The following CA10 variants were observed in gnomAD, a reference collection of about 807,000 sequenced individuals.
The protein encoded by CA10 is carbonic anhydrase 10 (inactive), also known as carbonic anhydrase-related protein 10.
A neutral mutation model predicts 44.2 loss-of-function variants in CA10; 14 were observed. That is an observed-to-expected ratio of 0.32 (90% CI 0.21 to 0.50). CA10 has a LOEUF of 0.50. Ranked by LOEUF, CA10 falls within the 20% of genes least tolerant of loss-of-function variation. The pLI, the probability that CA10 is intolerant of heterozygous loss-of-function variation, is 0.99. For missense variants in CA10, 350 were observed against 409.7 expected (o/e 0.85, Z 1.26); for synonymous variants, 159 against 141.6 (o/e 1.12, Z -0.87).
At chr17:51,732,269 T>A (rs891671084) in intron 4 of CA10, among the ~76,000 whole-genome samples, 1 of 152,194 alleles carries the variant, frequency 6.6e-6, no homozygotes, top group African/African-American at 2.4e-5. Flanking sequence ...TGAGTCCCTG[T>A]GATGAGGAAG....
At chr17:52,017,900 G>A (rs1041885221) in intron 2 of CA10, among the ~76,000 whole-genome samples, 1 of 152,144 alleles carries the variant, frequency 6.6e-6, no homozygotes, top group African/African-American at 2.4e-5. Flanking sequence ...ATGGTTTCAT[G>A]AGCCAGAACT....
intron 2 of CA10, among the ~76,000 whole-genome samples, chr17:51,936,401 G>A (rs529258908): frequency 6.6e-6 from 1 of 152,240 alleles, no homozygotes; most frequent in Admixed American, 6.5e-5. Context: ...AACCTAGGTA[G>A]CATGGTCAAG....
intron 2 of CA10, among the ~76,000 whole-genome samples, chr17:51,951,891 A>C (rs1281642696): frequency 2.0e-5 from 3 of 152,186 alleles, no homozygotes; most frequent in African/African-American, 7.2e-5. Context: ...TTCTGTACAC[A>C]CAATAACTTC....
chr17:52,111,025 C>A (rs1988778872), intron 1 of CA10, among the ~76,000 whole-genome samples: 2 of 152,172 alleles, frequency 1.3e-5, no homozygotes, highest in African/African-American at 4.8e-5. Context: ...AATAGTTGAA[C>A]TAAATTGAAG....
chr17:51,977,464 C>CA (rs1433688974), intron 2 of CA10, among the ~76,000 whole-genome samples: 18 of 151,828 alleles, frequency 1.2e-4, no homozygotes, highest in Non-Finnish European at 2.4e-4. Flanking sequence ...TAGATTGGCT[C>CA]AAAAAATCTA....
chr17:51,779,076 T>C (rs1905940558), intron 3 of CA10, among the ~76,000 whole-genome samples: 1 of 152,122 alleles, frequency 6.6e-6, no homozygotes, highest in Admixed American at 6.5e-5. Flanking sequence ...ATAATAATAC[T>C]GAAGCCCTCA....
At chr17:52,039,509 G>A (rs919301453) in intron 2 of CA10, among the ~76,000 whole-genome samples, 1 of 151,996 alleles carries the variant, frequency 6.6e-6, no homozygotes, top group South Asian at 2.1e-4. Flanking sequence ...TGGGCTCCCT[G>A]TGATCATCTC....
intron 3 of CA10, among the ~76,000 whole-genome samples, chr17:51,911,287 A>G (rs1025355068): frequency 2.0e-5 from 3 of 152,158 alleles, no homozygotes; most frequent in Non-Finnish European, 4.4e-5. Context: ...TACCACTGAG[A>G]TTTTTGTGGT....
Position 51,684,069 on chromosome 17 carries a change from G to C in CA10, c.466-30333C>G, listed in dbSNP as rs559763846. Among the ~76,000 whole-genome samples, 14 of 152,294 alleles carry C rather than the reference G, an allele frequency of 9.2e-5. No homozygotes were observed. The South Asian group carries it at 2.9e-3, about 32-fold the overall frequency. ...TTAAGTTAAGGGTCTTGAGAAGAAG[G>C]GGGAGATTATCCTGGATTATCTAAG... is the stretch of plus-strand genomic sequence containing the variant. On this transcript the variant is annotated intron_variant, in intron 4 of 8. Transcript: ENST00000451037.
At chr17:51,646,062 G>T (rs1263897574) in intron 6 of CA10, among the ~76,000 whole-genome samples, 2 of 152,192 alleles carry the variant, frequency 1.3e-5, no homozygotes, top group Non-Finnish European at 2.9e-5. Context: ...ACCTGTAGCT[G>T]GAAGCAGAGC....
intron 1 of CA10, among the ~76,000 whole-genome samples, chr17:52,104,893 A>G (rs896251515): frequency 6.6e-6 from 1 of 152,176 alleles, no homozygotes; most frequent in African/African-American, 2.4e-5. Flanking sequence ...GCTTAGATTA[A>G]TTAACAGTAG....
intron 3 of CA10, among the ~76,000 whole-genome samples, chr17:51,826,214 G>C (rs539158006): frequency 6.6e-6 from 1 of 152,280 alleles, no homozygotes; most frequent in African/African-American, 2.4e-5. Context: ...CTATCTACTG[G>C]AAAGTGAAGC....
chr17:51,856,380 A>T, intron 3 of CA10, among the ~76,000 whole-genome samples: 1 of 152,102 alleles, frequency 6.6e-6, no homozygotes, highest in African/African-American at 2.4e-5. Context: ...CAACAACAAC[A>T]ACAACAACAA....
At chr17:51,923,387 A>C (rs203077) in intron 3 of CA10, among the ~76,000 whole-genome samples, 103,418 of 151,972 alleles carry the variant, frequency 0.68, 35,505 homozygotes, top group Non-Finnish European at 0.71. Flanking sequence ...CTTGTTTGAC[A>C]AACCCAACTT....
chr17:51,838,239 C>T (rs148172686), intron 3 of CA10, among the ~76,000 whole-genome samples: 1 of 152,330 alleles, frequency 6.6e-6, no homozygotes, highest in Non-Finnish European at 1.5e-5. Flanking sequence ...CCTGGCTCTG[C>T]GTTCTGAATT....
At chr17:51,886,406 T>TA (rs1025583636) in intron 3 of CA10, among the ~76,000 whole-genome samples, 5 of 152,200 alleles carry the variant, frequency 3.3e-5, no homozygotes, top group African/African-American at 1.2e-4. Context: ...TGAATGCTTT[T>TA]AAAAAACCTA....
intron 4 of CA10, among the ~76,000 whole-genome samples, chr17:51,722,576 G>A (rs1003939014): frequency 6.6e-6 from 1 of 152,170 alleles, no homozygotes; most frequent in African/African-American, 2.4e-5. Context: ...ATGGCCTCAG[G>A]GCCCCCTGTC....
intron 1 of CA10, among the ~76,000 whole-genome samples, chr17:52,145,052 A>T (rs908167615): frequency 1.6e-4 from 25 of 152,216 alleles, no homozygotes; most frequent in African/African-American, 6.0e-4. Context: ...AATGCTCTTC[A>T]ATACATCTGT....
At chr17:51,965,349 G>A (rs1174071373) in intron 2 of CA10, among the ~76,000 whole-genome samples, 3 of 151,704 alleles carry the variant, frequency 2.0e-5, no homozygotes, top group Non-Finnish European at 2.9e-5. Flanking sequence ...AGAAATCAAG[G>A]AGGAAGGACT....
Sources: allele counts gnomAD v4.1 joint callset (sites outside exome capture counted in the v4.1 genomes callset), GRCh38; gene constraint gnomAD v4.1.1; transcripts MANE v1.5; gene names NCBI Gene and HGNC (gene_info 2026-07-23, HGNC 2026-07-21).